The following AVL9 variants were observed in gnomAD, a reference collection of about 807,000 sequenced individuals.
The protein encoded by AVL9 is late secretory pathway protein AVL9 homolog.
Under a neutral mutation model 79.2 loss-of-function variants are expected in AVL9, and 49 were observed. That is an observed-to-expected ratio of 0.62 (90% CI 0.49 to 0.79). The LOEUF (loss-of-function observed/expected upper bound fraction) is 0.79, where lower values mean the gene tolerates loss of function less well. AVL9 is among the 30% of genes least tolerant of loss of function. The pLI is 0.00. For synonymous variants in AVL9, 299 were observed against 280.6 expected (o/e 1.07, Z -0.65); for missense variants, 682 against 776.8 (o/e 0.88, Z 1.45).
intron 1 of AVL9, among the ~76,000 whole-genome samples, chr7:32,522,321 G>A (rs533982432): frequency 7.2e-5 from 11 of 152,300 alleles, no homozygotes; most frequent in African/African-American, 2.4e-4. Context: ...ACCCTGCCAA[G>A]CCACAGGGGC....
At chr7:32,516,404 G>T (rs1053096677) in intron 1 of AVL9, among the ~76,000 whole-genome samples, 7 of 152,038 alleles carry the variant, frequency 4.6e-5, no homozygotes, top group Non-Finnish European at 8.8e-5. Context: ...GGCTTCTCTG[G>T]GCATTTGCGT....
chr7:32,580,998 T>A, intron 15 of AVL9, 108 bp downstream of exon 15: 2 of 894,250 alleles, frequency 2.2e-6, no homozygotes, highest in Non-Finnish European at 3.5e-6. Flanking sequence ...ATCTGTGTTA[T>A]CACATAGTAA....
At chr7:32,512,680 T>C (rs1469821028) in intron 1 of AVL9, among the ~76,000 whole-genome samples, 1 of 152,208 alleles carries the variant, frequency 6.6e-6, no homozygotes, top group Admixed American at 6.5e-5. Context: ...AGGCCAAAGC[T>C]GGTACACTCT....
chr7:32,556,252 C>A (rs557936260), intron 8 of AVL9, among the ~76,000 whole-genome samples: 1 of 152,080 alleles, frequency 6.6e-6, no homozygotes, highest in Non-Finnish European at 1.5e-5. Flanking sequence ...CAGTGGCTCA[C>A]GCCTGTAATC....
At chr7:32,510,741 C>A (rs1217540546) in intron 1 of AVL9, among the ~76,000 whole-genome samples, 6 of 111,984 alleles carry the variant, frequency 5.4e-5, no homozygotes, top group African/African-American at 1.6e-4. Flanking sequence ...GGGAAACCAT[C>A]TCCCCAGGGT....
rs1004383311 is a variant in AVL9, at chr7:32,585,969, A to G, written c.*2062A>G. The G allele has an allele frequency of 2.0e-5, 3 of 152,208 alleles. No individual in the cohort carries two copies. Among genetic ancestry groups the G allele is most frequent in the African/African-American group, 4.8e-5 (2 of 41,460 alleles). The allele number at this position is 152,208 out of a possible 1,614,324, so 9.4% of individuals were successfully genotyped here. On this transcript the variant is annotated 3_prime_UTR_variant, in exon 16 of 16. Transcript: ENST00000318709. ...AGCATGATAGTGTGATTTGTGTACA[A>G]TTGTTACCTCTCAGCTGCTGAAGTT...
rs2128130993 is a variant in AVL9 at position 32,536,184 on chromosome 7, A to C, written c.94-6957A>C. The C allele has an allele frequency of 2.3e-5, 3 of 130,524 alleles. No homozygotes were observed. In the South Asian group the frequency reaches 7.9e-4, roughly 34 times the overall value. The allele number at this position is 130,524 out of a possible 1,614,324, so 8.1% of individuals were successfully genotyped here. Reference sequence around the variant, plus strand: ...ACATATACTTAGGGCTGCCATGTACAGCTATATGTACTTCACGACACAATT... The same window carrying C: ...ACATATACTTAGGGCTGCCATGTACCGCTATATGTACTTCACGACACAATT... On this transcript the variant is annotated intron_variant, in intron 1 of 15. Coordinates refer to ENST00000318709, the MANE Select transcript of AVL9 (RefSeq NM_015060.3).
chr7:32,532,504 T>G (rs1583529871), intron 1 of AVL9: 1 of 151,570 alleles, frequency 6.6e-6, no homozygotes, highest in Non-Finnish European at 1.5e-5. Flanking sequence ...AATGTCATTT[T>G]ATATAATAGA....
At chr7:32,539,858 C>A (rs1304474320) in intron 1 of AVL9, among the ~76,000 whole-genome samples, 1 of 152,162 alleles carries the variant, frequency 6.6e-6, no homozygotes, top group Non-Finnish European at 1.5e-5. Context: ...TTTCATGGCC[C>A]TTTCTTCCAT....
At position 32,570,310 on chromosome 7, in the gene AVL9, A is replaced by G. The variant is rs78903702; in HGVS notation, c.1350+156A>G. 5,432 of 531,924 alleles carry G rather than the reference A, an allele frequency of 0.01. 256 individuals are homozygous for G. In the African/African-American group the frequency reaches 0.1, roughly 10 times the overall value. 33.0% of individuals were successfully genotyped at this position (531,924 alleles called of 1,614,324 possible). ...GTATTTTATGTGTATTAACTGGTCT[A>G]ATTCTCATAAAAACACAGTCAATAG... On this transcript the variant is annotated intron_variant, in intron 11 of 15. Coordinates refer to ENST00000318709, the MANE Select transcript of AVL9 (RefSeq NM_015060.3).
At chr7:32,582,358 C>T (rs1791549396) in intron 15 of AVL9, among the ~76,000 whole-genome samples, 1 of 135,890 alleles carries the variant, frequency 7.4e-6, no homozygotes, top group Non-Finnish European at 1.7e-5. Context: ...CCCTAGTTTT[C>T]TGAATACCTA....
At chr7:32,567,082 T>C (rs1314315876) in intron 10 of AVL9, among the ~76,000 whole-genome samples, 4 of 152,208 alleles carry the variant, frequency 2.6e-5, no homozygotes, top group Non-Finnish European at 4.4e-5. Context: ...ATAATTCTCT[T>C]AAGTTTCATT....
chr7:32,525,707 A>G (rs1468696017), intron 1 of AVL9, among the ~76,000 whole-genome samples: 3 of 152,072 alleles, frequency 2.0e-5, no homozygotes, highest in African/African-American at 7.2e-5. Flanking sequence ...GAATAGGTTT[A>G]TTTTTCTGCC....
In AVL9 at chr7:32,579,385, C is replaced by T. The variant is rs868352105; in HGVS notation, c.1689-834C>T. Among the ~76,000 whole-genome samples the T allele has an allele frequency of 1.3e-3, 13 of 9,966 alleles. 2 individuals are homozygous for T. The highest frequency in any genetic ancestry group is 5.9e-3 in the African/African-American group (11 of 1,868). The allele number at this position is 9,966 out of a possible 152,430, so 6.5% of individuals were successfully genotyped here. A position where few individuals can be genotyped will look rare whatever the true frequency, so the allele number is the denominator to read the frequency against. ...AACATATATAATATATGTTATATAACATATTATATGTTATATATTATATAT... is the reference window on the plus strand; with the variant it reads ...AACATATATAATATATGTTATATAATATATTATATGTTATATATTATATAT... On this transcript the variant is annotated intron_variant, in intron 13 of 15. Coordinates refer to ENST00000318709, the MANE Select transcript of AVL9 (RefSeq NM_015060.3).
intron 1 of AVL9, among the ~76,000 whole-genome samples, chr7:32,516,144 A>G (rs1052737417): frequency 6.6e-6 from 1 of 152,170 alleles, no homozygotes. Flanking sequence ...TTCCTGTATT[A>G]CATTACCTCA....
intron 2 of AVL9, among the ~76,000 whole-genome samples, chr7:32,543,728 A>G (rs747227470): frequency 6.6e-6 from 1 of 152,226 alleles, no homozygotes; most frequent in African/African-American, 2.4e-5. Context: ...GCTTGCTTGC[A>G]TGCGGAGCAT....
chr7:32,557,776 G>A (rs1790131726), intron 8 of AVL9, among the ~76,000 whole-genome samples: 1 of 151,704 alleles, frequency 6.6e-6, no homozygotes, highest in Non-Finnish European at 1.5e-5. Flanking sequence ...GCATCTGTTG[G>A]TAATTTGTAC....
At chr7:32,575,587 A>G (rs1791057626) in intron 12 of AVL9, among the ~76,000 whole-genome samples, 1 of 152,210 alleles carries the variant, frequency 6.6e-6, no homozygotes, top group African/African-American at 2.4e-5. Context: ...CATACATATC[A>G]ATCAGTATGT....
At chr7:32,537,106 C>T (rs551091792) in intron 1 of AVL9, 1 of 152,296 alleles carries the variant, frequency 6.6e-6, no homozygotes, top group Admixed American at 6.5e-5. Flanking sequence ...AGGGGTATGG[C>T]TGAAAGTTCC....
Sources: allele counts gnomAD v4.1 joint callset (sites outside exome capture counted in the v4.1 genomes callset), GRCh38; gene constraint gnomAD v4.1.1; transcripts MANE v1.5; gene names NCBI Gene and HGNC (gene_info 2026-07-23, HGNC 2026-07-21).